The following PARD3 variants were observed in gnomAD, a reference collection of about 807,000 sequenced individuals.
The protein encoded by PARD3 is partitioning defective 3 homolog.
In PARD3, 75 loss-of-function variants were observed where a neutral mutation model predicts 155.4. The ratio of observed to expected loss-of-function variants is 0.48; its 90% CI spans 0.40 to 0.58. The LOEUF (loss-of-function observed/expected upper bound fraction) is 0.58. PARD3 is among the 20% of genes least tolerant of loss of function. PARD3 has a pLI of 0.00. For missense variants in PARD3, 1,642 were observed against 1,721.7 expected (o/e 0.95, Z 0.82); for synonymous variants, 576 against 610.5 (o/e 0.94, Z 0.83).
intron 22 of PARD3, among the ~76,000 whole-genome samples, chr10:34,223,467 G>A (rs189306142): frequency 6.6e-6 from 1 of 152,170 alleles, no homozygotes; most frequent in South Asian, 2.1e-4. Context: ...ATTGTTGGGA[G>A]AGTTTCTAAA....
chr10:34,727,647 T>C (rs11009892), intron 1 of PARD3, among the ~76,000 whole-genome samples: 40,975 of 151,922 alleles, frequency 0.27, 5,840 homozygotes, highest in South Asian at 0.36. Context: ...CTTTGAAGCC[T>C]TTAAGGTTTT....
intron 7 of PARD3, among the ~76,000 whole-genome samples, chr10:34,388,823 G>T (rs559888331): frequency 6.6e-6 from 1 of 152,276 alleles, no homozygotes; most frequent in African/African-American, 2.4e-5. Flanking sequence ...AGGAGGCATT[G>T]GAGTAAGCTC....
intron 22 of PARD3, among the ~76,000 whole-genome samples, chr10:34,244,591 T>C (rs995067717): frequency 1.9e-4 from 29 of 152,320 alleles, no homozygotes; most frequent in African/African-American, 6.3e-4. Context: ...AAAGAAGTCC[T>C]AGCAAAAAAT....
intron 2 of PARD3, among the ~76,000 whole-genome samples, chr10:34,649,528 T>TA (rs1217931549): frequency 2.0e-5 from 3 of 152,184 alleles, no homozygotes; most frequent in Middle Eastern, 3.2e-3. Context: ...ACATATGGTA[T>TA]AAAGGGTGAA....
At chr10:34,726,321 C>CA (rs962048119) in intron 1 of PARD3, among the ~76,000 whole-genome samples, 1 of 152,186 alleles carries the variant, frequency 6.6e-6, no homozygotes, top group Non-Finnish European at 1.5e-5. Flanking sequence ...CACAGTGGCT[C>CA]ACGCCTGTAA....
Position 34,666,087 on chromosome 10 carries a change from G to A in PARD3, c.222+30231C>T, listed in dbSNP as rs561745348. Among the ~76,000 whole-genome samples, 39 of 152,082 alleles carry A rather than the reference G, an allele frequency of 2.6e-4. No homozygotes were observed. The South Asian group carries it at 6.9e-3, about 27-fold the overall frequency. On this transcript the variant is annotated intron_variant, in intron 2 of 24. Coordinates refer to ENST00000374788, the MANE Select transcript of PARD3 (RefSeq NM_001184785.2). ...TAAATTAAATTAGCCAGGCATGGTGGCATATGCCTGTAGTCCCAGCTACTT... is the reference window on the plus strand; with the variant it reads ...TAAATTAAATTAGCCAGGCATGGTGACATATGCCTGTAGTCCCAGCTACTT...
intron 1 of PARD3, among the ~76,000 whole-genome samples, chr10:34,776,141 C>T (rs1349848216): frequency 6.6e-6 from 1 of 152,144 alleles, no homozygotes; most frequent in Non-Finnish European, 1.5e-5. Flanking sequence ...TCATCCATAA[C>T]TCTGACCAAA....
chr10:34,632,968 G>A (rs574366835), intron 2 of PARD3, among the ~76,000 whole-genome samples: 22 of 152,322 alleles, frequency 1.4e-4, no homozygotes, highest in African/African-American at 4.1e-4. Context: ...CCAACCTGCA[G>A]GCCAAACAAC....
At chr10:34,157,233 C>T (rs1303452558) in intron 22 of PARD3, among the ~76,000 whole-genome samples, 1 of 152,156 alleles carries the variant, frequency 6.6e-6, no homozygotes, top group Non-Finnish European at 1.5e-5. Flanking sequence ...GAAAATATCC[C>T]TCTGCTGGCT....
chr10:34,451,525 T>C (rs1357157535), intron 4 of PARD3, among the ~76,000 whole-genome samples: 1 of 152,186 alleles, frequency 6.6e-6, no homozygotes, highest in Non-Finnish European at 1.5e-5. Flanking sequence ...GTTTGCAATG[T>C]ATAAAACTTA....
At chr10:34,760,576 C>T (rs1837323042) in intron 1 of PARD3, among the ~76,000 whole-genome samples, 1 of 152,214 alleles carries the variant, frequency 6.6e-6, no homozygotes, top group Non-Finnish European at 1.5e-5. Flanking sequence ...AAGTGATCTG[C>T]CCGCCTCAGC....
chr10:34,642,487 T>A (rs968981281), intron 2 of PARD3, among the ~76,000 whole-genome samples: 17 of 152,044 alleles, frequency 1.1e-4, no homozygotes, highest in African/African-American at 4.1e-4. Context: ...CCTGAGTCAC[T>A]CCACCTGGCG....
intron 7 of PARD3, among the ~76,000 whole-genome samples, chr10:34,389,939 A>G (rs754472192): frequency 6.6e-6 from 1 of 152,218 alleles, no homozygotes. Context: ...TCATATTGCT[A>G]TATATAAAGA....
intron 7 of PARD3, among the ~76,000 whole-genome samples, chr10:34,396,562 C>T (rs1843367664): frequency 6.6e-6 from 1 of 152,080 alleles, no homozygotes; most frequent in Non-Finnish European, 1.5e-5. Flanking sequence ...TCGTTAGATG[C>T]TCTGACTTTG....
chr10:34,283,580 G>T (rs1277806229), intron 21 of PARD3, among the ~76,000 whole-genome samples: 1 of 152,054 alleles, frequency 6.6e-6, no homozygotes, highest in African/African-American at 2.4e-5. Context: ...AATCTATCCG[G>T]AAGACATGGA....
At chr10:34,522,211 C>T (rs1454932060) in intron 2 of PARD3, among the ~76,000 whole-genome samples, 6 of 152,080 alleles carry the variant, frequency 3.9e-5, no homozygotes, top group Admixed American at 2.0e-4. Context: ...CAGAGAGAAA[C>T]GTGATGATGG....
At chr10:34,583,925 C>T (rs551892442) in intron 2 of PARD3, among the ~76,000 whole-genome samples, 313 of 152,058 alleles carry the variant, frequency 2.1e-3, no homozygotes, top group Non-Finnish European at 3.7e-3. Flanking sequence ...ACTTCATCTC[C>T]ATCTATTTAA....
intron 5 of PARD3, among the ~76,000 whole-genome samples, chr10:34,448,626 C>T (rs760770215): frequency 6.6e-6 from 1 of 151,884 alleles, no homozygotes; most frequent in South Asian, 2.1e-4. Context: ...AAAGGGAGAC[C>T]GTCTCCACAA....
At chr10:34,718,889 G>C (rs1235607109) in intron 1 of PARD3, among the ~76,000 whole-genome samples, 2 of 152,136 alleles carry the variant, frequency 1.3e-5, no homozygotes, top group East Asian at 3.8e-4. Context: ...TTTGAACCCG[G>C]AAGGAGCAGG....
Sources: gnomAD v4.1 joint callset for allele counts (sites outside exome capture counted in the v4.1 genomes callset) on GRCh38, gnomAD v4.1.1 for gene constraint, MANE v1.5 for transcripts, NCBI Gene and HGNC (gene_info 2026-07-23, HGNC 2026-07-21) for gene names.